The following MCRS1 variants were observed in gnomAD, a reference collection of about 807,000 sequenced individuals.
MCRS1 encodes 58 kDa microspherule protein.
MCRS1 carries 22 observed loss-of-function variants against 62.9 expected under a neutral mutation model. The observed-to-expected ratio is 0.35, with a 90% CI of 0.25 to 0.50. The LOEUF is 0.50. Ranked by LOEUF, MCRS1 falls within the 20% of genes least tolerant of loss-of-function variation. The pLI is 0.98. For missense variants in MCRS1, 456 were observed against 601.1 expected (o/e 0.76, Z 2.52); for synonymous variants, 244 against 233.5 (o/e 1.04, Z -0.41).
At chr12:49,560,949 T>G (rs1184347516) in intron 8 of MCRS1, among the ~76,000 whole-genome samples, 1 of 152,126 alleles carries the variant, frequency 6.6e-6, no homozygotes, top group African/African-American at 2.4e-5. Context: ...TAATGGGTCA[T>G]GAAATCAGTT....
intron 7 of MCRS1, 111 bp downstream of exon 7, chr12:49,563,311 AATGTGCACACGTGTGC>A (rs1938873998): frequency 1.5e-6 from 2 of 1,352,056 alleles, no homozygotes; most frequent in African/African-American, 1.4e-5. Context: ...CGCCCCTGCC[AATGTGCACACGTGTGC>A]ATGTGCACAT....
At position 49,564,933 on chromosome 12, in the gene MCRS1, GCAT is replaced by G. The variant is rs540983167; in HGVS notation, c.289-41_289-39del. 8.8e-5 allele frequency: 134 copies of G among 1,522,488 alleles called. No homozygotes were observed. In the African/African-American group the frequency reaches 1.7e-3, roughly 20 times the overall value. The allele number at this position is 1,522,488 out of a possible 1,614,324, so 94.3% of individuals were successfully genotyped here. On this transcript the variant is annotated intron_variant, in intron 4 of 14. Transcript: ENST00000343810. ...CAGGAACAAACCAAGCTCAAAGCCAGCATCCAGTCAGCTGGCGCTTCATGACTA... is the reference window on the plus strand; with the variant it reads ...CAGGAACAAACCAAGCTCAAAGCCAGCCAGTCAGCTGGCGCTTCATGACTA...
rs981723464 is a variant in MCRS1 at position 49,558,468 on chromosome 12, C to T, written c.*175G>A. On this transcript the variant is annotated 3_prime_UTR_variant, in exon 15 of 15. Transcript: ENST00000343810. ...ATCTAGGGAAGCCTGAGGTTCTCAG[C>T]CTCTGCTGGCTTCACAAAGGCCAGC... 43 of 633,964 alleles carry T rather than the reference C, an allele frequency of 6.8e-5. No individual in the cohort carries two copies. Among genetic ancestry groups the T allele is most frequent in the African/African-American group, 2.0e-4 (11 of 54,172 alleles). 39.3% of individuals were successfully genotyped at this position (633,964 alleles called of 1,614,324 possible). A position where few individuals can be genotyped will look rare whatever the true frequency, so the allele number is the denominator to read the frequency against.
chr12:49,560,873 A>G (rs1938730227), intron 8 of MCRS1, among the ~76,000 whole-genome samples: 1 of 152,172 alleles, frequency 6.6e-6, no homozygotes, highest in South Asian at 2.1e-4. Context: ...TTCCACTGAG[A>G]AAGTACGTGC....
intron 4 of MCRS1, 100 bp downstream of exon 4, chr12:49,565,429 C>G: frequency 6.6e-7 from 1 of 1,518,668 alleles, no homozygotes; most frequent in Non-Finnish European, 8.8e-7. Flanking sequence ...TTGGTCCTCT[C>G]ACCAGCCTGC....
chr12:49,561,492 C>T (rs1172998897), intron 8 of MCRS1, among the ~76,000 whole-genome samples: 1 of 152,152 alleles, frequency 6.6e-6, no homozygotes, highest in Non-Finnish European at 1.5e-5. Context: ...CCTGCCTATT[C>T]CTAGGGTCTC....
intron 8 of MCRS1, among the ~76,000 whole-genome samples, chr12:49,560,801 T>A (rs1938726580): frequency 6.6e-6 from 1 of 152,158 alleles, no homozygotes; most frequent in Non-Finnish European, 1.5e-5. Context: ...TTCCATCACA[T>A]CATATGCTCT....
rs528018413 is a variant in MCRS1, at chr12:49,563,219, T to G, written c.667-80A>C. 5.9e-5 allele frequency: 90 copies of G among 1,527,744 alleles called. 1 individual carries two copies. In the African/African-American group the frequency reaches 1.1e-3, roughly 19 times the overall value. 94.6% of individuals were successfully genotyped at this position (1,527,744 alleles called of 1,614,324 possible). A position where few individuals can be genotyped will look rare whatever the true frequency, so the allele number is the denominator to read the frequency against. ...TGCCTTACCATCTCTACCTCCCACC[T>G]CAGCATCCCCCAGGAGCTGGAAGAA... On this transcript the variant is annotated intron_variant, in intron 7 of 14. Transcript: ENST00000343810.
chr12:49,564,413 C>T, intron 6 of MCRS1, 68 bp downstream of exon 6: 2 of 1,347,282 alleles, frequency 1.5e-6, no homozygotes, highest in East Asian at 2.5e-5. Flanking sequence ...GGTACAATTC[C>T]CTCTGCTCCA....
In MCRS1 at chr12:49,559,551, G is replaced by A. The variant is rs1419721846; in HGVS notation, c.1004-16C>T. On this transcript the variant is annotated splice_polypyrimidine_tract_variant and intron_variant, in intron 11 of 14. Transcript: ENST00000343810. The surrounding 1 kb of genome is among the most constrained non-coding windows in gnomAD (Gnocchi z 5.2). ...GAGCTCATGCCTGGGAGAAGAGGGA[G>A]TTTGGAAGAGCCTACCCCTGAGGGC... is the stretch of plus-strand genomic sequence containing the variant. 3 of 1,608,022 alleles carry A rather than the reference G, an allele frequency of 1.9e-6. No homozygotes were observed. Among genetic ancestry groups the A allele is most frequent in the East Asian group, 2.2e-5 (1 of 44,872 alleles).
chr12:49,566,497 G>A, intron 2 of MCRS1: 1 of 1,539,576 alleles, frequency 6.5e-7, no homozygotes, highest in Non-Finnish European at 8.8e-7. Flanking sequence ...TGGGCTCTGG[G>A]CATAACTGCT....
In MCRS1 at chr12:49,560,488, G is replaced by T. The variant is rs145711532; in HGVS notation, c.806-118C>A. The stretch of plus-strand genomic sequence containing the variant: ...GCGCTGGGTGGAGAGCCCAGCACCA[G>T]CAAGGGTGCCCATACCAGATTAGGC... On this transcript the variant is annotated intron_variant, in intron 8 of 14. Coordinates refer to ENST00000343810, the MANE Select transcript of MCRS1 (RefSeq NM_006337.5). The T allele has an allele frequency of 7.9e-4, 690 of 877,670 alleles. 9 individuals carry two copies. The African/African-American group carries it at 0.011, about 13-fold the overall frequency. The allele number at this position is 877,670 out of a possible 1,614,324, so 54.4% of individuals were successfully genotyped here. A position where few individuals can be genotyped will look rare whatever the true frequency, so the allele number is the denominator to read the frequency against.
In MCRS1 at chr12:49,565,389, G is replaced by C. The variant is rs1178658174; in HGVS notation, c.288+140C>G. On this transcript the variant is annotated intron_variant, in intron 4 of 14. Coordinates refer to ENST00000343810, the MANE Select transcript of MCRS1 (RefSeq NM_006337.5). Reference sequence around the variant, plus strand: ...GTAGGGAGAGGTGTGTTCCCAGGAGGGGGGCATCTGAGATGAGGGCTGGGG... The same window carrying C: ...GTAGGGAGAGGTGTGTTCCCAGGAGCGGGGCATCTGAGATGAGGGCTGGGG... The C allele has an allele frequency of 4.7e-6, 7 of 1,501,192 alleles. No individual in the cohort carries two copies. The Middle Eastern group carries it at 5.5e-4, about 118-fold the overall frequency. 93.0% of individuals were successfully genotyped at this position (1,501,192 alleles called of 1,614,324 possible). A position where few individuals can be genotyped will look rare whatever the true frequency, so the allele number is the denominator to read the frequency against.
At position 49,559,842 on chromosome 12, in the gene MCRS1, A is replaced by G. The variant is rs770684781; in HGVS notation, c.911-21T>C. 3 of 1,614,116 alleles carry G rather than the reference A, an allele frequency of 1.9e-6. No homozygotes were observed. Among genetic ancestry groups the G allele is most frequent in the Non-Finnish European group, 1.7e-6 (2 of 1,179,996 alleles). ...CAGCTCTGGGGTGAGGTGGGGTGGT[A>G]AGGAGGGATGCTCTGAGGCCACCAG... On this transcript the variant is annotated intron_variant, in intron 10 of 14. Transcript: ENST00000343810. This position sits in a 1 kb window ranked among gnomAD's most constrained non-coding sequence, Gnocchi z 5.2.
chr12:49,566,479 C>T (rs762974055), intron 2 of MCRS1: 10 of 1,555,570 alleles, frequency 6.4e-6, no homozygotes, highest in East Asian at 2.4e-5. Flanking sequence ...CTGGTGATGC[C>T]GACACGCTGG....
At chr12:49,563,339 T>A (rs1565791331) in intron 7 of MCRS1, 99 bp downstream of exon 7, 3 of 1,373,438 alleles carry the variant, frequency 2.2e-6, no homozygotes, top group Non-Finnish European at 3.0e-6. Flanking sequence ...TGTGCACATA[T>A]CCAGACAGTG....
rs12367382 is a variant in MCRS1 at position 49,560,773 on chromosome 12, C to T, written c.806-403G>A. The stretch of plus-strand genomic sequence containing the variant: ...GGATTTAGATCCTGCTCTCTCCATT[C>T]GAAATCTCAACCTCTCCTTCCATCA... On this transcript the variant is annotated intron_variant, in intron 8 of 14. Coordinates refer to ENST00000343810, the MANE Select transcript of MCRS1 (RefSeq NM_006337.5). Among the ~76,000 whole-genome samples, 13 of 152,138 alleles carry T rather than the reference C, an allele frequency of 8.5e-5. 1 individual carries two copies. Among genetic ancestry groups the T allele is most frequent in the Non-Finnish European group, 1.8e-4 (12 of 68,036 alleles).
Position 49,564,833 on chromosome 12 carries a change from C to T in MCRS1, c.351G>A (p.Lys117=). ...PSPAPAPGLT[K]RVKKSKQPLQ... ...GTGGCTGTTTACTCTTCTTCACACG[C>T]TTGGTGAGTCCAGGGGCTGGGGCTG... The change falls in exon 5 of 15, where the codon AAG becomes AAA. Residue 117 remains lysine, a synonymous_variant. Coordinates refer to ENST00000343810, the MANE Select transcript of MCRS1 (RefSeq NM_006337.5). 6.2e-7 allele frequency: 1 copy of T among 1,614,036 alleles called. No individual in the cohort carries two copies. Among genetic ancestry groups the T allele is most frequent in the Non-Finnish European group, 8.5e-7 (1 of 1,179,954 alleles).
At chr12:49,561,913 T>C (rs538566382) in intron 8 of MCRS1, among the ~76,000 whole-genome samples, 10 of 152,362 alleles carry the variant, frequency 6.6e-5, no homozygotes, top group Admixed American at 5.9e-4. Context: ...CCACCATGCC[T>C]GGCATAACTT....
Sources: gnomAD v4.1 joint callset for allele counts (sites outside exome capture counted in the v4.1 genomes callset) on GRCh38, gnomAD v4.1.1 for gene constraint, Gnocchi (gnomAD v3.1) non-coding constraint, MANE v1.5 for transcripts, NCBI Gene and HGNC (gene_info 2026-07-23, HGNC 2026-07-21) for gene names.